Variants in NCOA1 observed in about 807,000 individuals in gnomAD.
NCOA1 encodes the protein nuclear receptor coactivator 1, also known as Hin-2 protein.
NCOA1 carries 35 observed loss-of-function variants against 150.9 expected under a neutral mutation model. The observed-to-expected ratio is 0.23, with a 90% CI of 0.18 to 0.31. The LOEUF is 0.31. NCOA1 is among the 10% of genes least tolerant of loss of function. The pLI is 1.00. For missense variants in NCOA1, 1,491 were observed against 1,749.3 expected (o/e 0.85, Z 2.63); for synonymous variants, 590 against 630.0 (o/e 0.94, Z 0.95).
chr2:24,638,633 C>T (rs1217868382), intron 3 of NCOA1, among the ~76,000 whole-genome samples: 1 of 152,092 alleles, frequency 6.6e-6, no homozygotes, highest in African/African-American at 2.4e-5. Flanking sequence ...CTCTTTTCTC[C>T]ACATCCTCAT....
intron 19 of NCOA1, among the ~76,000 whole-genome samples, chr2:24,744,258 A>T (rs1422492383): frequency 6.6e-6 from 1 of 152,232 alleles, no homozygotes; most frequent in African/African-American, 2.4e-5. Flanking sequence ...TTTTCACAAA[A>T]TAAGAATTTG....
intron 22 of NCOA1, 25 bp downstream of exon 22, chr2:24,762,801 G>C: frequency 6.3e-7 from 1 of 1,593,532 alleles, no homozygotes; most frequent in Non-Finnish European, 8.6e-7. Flanking sequence ...TCTAAGCCCA[G>C]AGCTGTCAAA....
chr2:24,544,471 G>A (rs987426482), intron 1 of NCOA1, among the ~76,000 whole-genome samples: 15 of 152,130 alleles, frequency 9.9e-5, no homozygotes, highest in African/African-American at 3.4e-4. Context: ...GGCTGGGTGC[G>A]GTGGCTCATG....
chr2:24,703,950 T>C (rs761420520), intron 11 of NCOA1, among the ~76,000 whole-genome samples: 49 of 152,286 alleles, frequency 3.2e-4, no homozygotes, highest in Non-Finnish European at 6.8e-4. Flanking sequence ...TATGGTATTA[T>C]TAAAACATCA....
chr2:24,577,473 A>G (rs764009175), intron 2 of NCOA1, among the ~76,000 whole-genome samples: 7 of 152,142 alleles, frequency 4.6e-5, no homozygotes, highest in Non-Finnish European at 7.4e-5. Flanking sequence ...TCGTCTTCCA[A>G]ATTCTGACAT....
intron 3 of NCOA1, among the ~76,000 whole-genome samples, chr2:24,604,475 G>T (rs1315396286): frequency 6.6e-6 from 1 of 152,196 alleles, no homozygotes; most frequent in Non-Finnish European, 1.5e-5. Flanking sequence ...ATCATAGTTA[G>T]ATCTTCTGGA....
intron 21 of NCOA1, among the ~76,000 whole-genome samples, chr2:24,760,306 A>ATTTTTT (rs70947842): frequency 1.2e-4 from 12 of 99,726 alleles, no homozygotes; most frequent in South Asian, 3.5e-4. Flanking sequence ...TGCCCGGCTA[A>ATTTTTT]TTTTTTTTTT....
intron 1 of NCOA1, among the ~76,000 whole-genome samples, chr2:24,540,484 G>GT: frequency 6.6e-6 from 1 of 150,568 alleles, no homozygotes; most frequent in Admixed American, 6.6e-5. Flanking sequence ...TTGAGACGGA[G>GT]TTTCGCTTTT....
chr2:24,647,470 C>T (rs1235236919), intron 4 of NCOA1, among the ~76,000 whole-genome samples: 1 of 152,046 alleles, frequency 6.6e-6, no homozygotes, highest in Non-Finnish European at 1.5e-5. Context: ...AATTAATTAA[C>T]ATAGGTTAGG....
chr2:24,710,782 T>G, intron 13 of NCOA1, 149 bp from the exon 14 acceptor site: 1 of 735,088 alleles, frequency 1.4e-6, no homozygotes, highest in South Asian at 1.9e-5. Context: ...AATTTCCAAG[T>G]AGCCCCAATC....
chr2:24,713,170 G>T (rs896479085), intron 14 of NCOA1, among the ~76,000 whole-genome samples: 7 of 152,120 alleles, frequency 4.6e-5, no homozygotes, highest in Non-Finnish European at 5.9e-5. Flanking sequence ...GGCAGAGGTT[G>T]CAGTCAGCTG....
At position 24,532,136 on chromosome 2, in the gene NCOA1, G is replaced by A. The variant is rs532891605; in HGVS notation, c.-395-32159G>A. 2.0e-5 allele frequency among the ~76,000 whole-genome samples: 3 copies of A among 152,156 alleles called. No individual in the cohort carries two copies. The East Asian group carries it at 5.8e-4, about 29-fold the overall frequency. ...AGCATCTGTTGTTTCCTGACTTTTT[G>A]ATGATCGCCATTCTAACTGGTGTGA... On this transcript the variant is annotated intron_variant, in intron 1 of 22. Transcript: ENST00000348332.
intron 16 of NCOA1, among the ~76,000 whole-genome samples, chr2:24,729,069 GCT>G (rs1287077186): frequency 3.9e-5 from 6 of 152,150 alleles, no homozygotes; most frequent in African/African-American, 1.2e-4. Context: ...AAACCATAAC[GCT>G]ACAGCTTTCT....
chr2:24,516,911 C>T (rs1027798089), intron 1 of NCOA1, among the ~76,000 whole-genome samples: 45 of 68,600 alleles, frequency 6.6e-4, no homozygotes, highest in Non-Finnish European at 7.6e-4. Context: ...TATATATGTG[C>T]ATGTGTGTGT....
intron 1 of NCOA1, among the ~76,000 whole-genome samples, chr2:24,507,313 G>A (rs1225520637): frequency 6.6e-6 from 1 of 152,040 alleles, no homozygotes; most frequent in African/African-American, 2.4e-5. Flanking sequence ...CCTTTTCATC[G>A]TTAAATAGGG....
At chr2:24,636,863 G>A (rs1012934358) in intron 3 of NCOA1, among the ~76,000 whole-genome samples, 6 of 151,332 alleles carry the variant, frequency 4.0e-5, no homozygotes, top group African/African-American at 1.5e-4. Flanking sequence ...CATCCATTGA[G>A]TTTTTTTTAA....
chr2:24,635,305 C>G (rs1374605715), intron 3 of NCOA1, among the ~76,000 whole-genome samples: 2 of 151,960 alleles, frequency 1.3e-5, no homozygotes, highest in South Asian at 2.1e-4. Context: ...TTTGTGCAGT[C>G]CCTAAGTAAG....
rs73923420 is a variant in NCOA1, at chr2:24,752,377, T to A, written c.3881+221T>A. 4.5e-3 allele frequency among the ~76,000 whole-genome samples: 686 copies of A among 152,324 alleles called. 7 individuals carry two copies. Among genetic ancestry groups the A allele is most frequent in the African/African-American group, 0.016 (656 of 41,560 alleles). On this transcript the variant is annotated intron_variant, in intron 20 of 22. Transcript: ENST00000348332. ...TAAGAACAGCCATGCTTTCATGGGCTGATTGTATTCACAGGCTAAGTAGAA... is the reference window on the plus strand; with the variant it reads ...TAAGAACAGCCATGCTTTCATGGGCAGATTGTATTCACAGGCTAAGTAGAA...
At chr2:24,758,860 C>G (rs998641677) in intron 21 of NCOA1, among the ~76,000 whole-genome samples, 5 of 151,504 alleles carry the variant, frequency 3.3e-5, no homozygotes, top group African/African-American at 1.2e-4. Context: ...TGGTGGCATG[C>G]ACCTGTAATC....
Sources: allele counts gnomAD v4.1 joint callset (sites outside exome capture counted in the v4.1 genomes callset), GRCh38; gene constraint gnomAD v4.1.1; transcripts MANE v1.5; gene names NCBI Gene and HGNC (gene_info 2026-07-23, HGNC 2026-07-21).